The following MAN1B1 variants were observed in gnomAD, a reference collection of about 807,000 sequenced individuals.
The protein encoded by MAN1B1 is endoplasmic reticulum mannosyl-oligosaccharide 1,2-alpha-mannosidase.
MAN1B1 carries 66 observed loss-of-function variants against 75.5 expected under a neutral mutation model. That is an observed-to-expected ratio of 0.87 (90% CI 0.72 to 1.07). MAN1B1 has a LOEUF of 1.07. MAN1B1 is among the 50% of genes least tolerant of loss of function. The pLI, the probability that MAN1B1 is intolerant of heterozygous loss-of-function variation, is 0.00. For synonymous variants in MAN1B1, 453 were observed against 382.8 expected (o/e 1.18, Z -2.14); for missense variants, 973 against 912.5 (o/e 1.07, Z -0.85).
intron 8 of MAN1B1, 133 bp from the exon 9 acceptor site, chr9:137,105,991 TG>T (rs1209712912): frequency 1.3e-6 from 1 of 757,450 alleles, no homozygotes; most frequent in African/African-American, 1.7e-5. Flanking sequence ...AGCTGTGGGC[TG>T]GGCACAGAGC....
At position 137,107,670 on chromosome 9, in the gene MAN1B1, C is replaced by A; in HGVS notation, c.1896+8C>A. ...TTCAGCCGATTCACACGGGTGAGCA[C>A]CTGTCCTCGCCCCGCGTGGTCACGG... On this transcript the variant is annotated splice_region_variant and intron_variant, in intron 12 of 12. Coordinates refer to ENST00000371589, the MANE Select transcript of MAN1B1 (RefSeq NM_016219.5). 6.2e-7 allele frequency: 1 copy of A among 1,609,616 alleles called. No individual in the cohort carries two copies.
intron 9 of MAN1B1, 43 bp from the exon 10 acceptor site, chr9:137,106,646 A>T: frequency 2.5e-6 from 4 of 1,612,442 alleles, no homozygotes; most frequent in Non-Finnish European, 3.4e-6. Context: ...ACGGGAGCCG[A>T]TGCACCGTCC....
chr9:137,092,409 T>C (rs899146527), intron 3 of MAN1B1, among the ~76,000 whole-genome samples: 6 of 152,094 alleles, frequency 3.9e-5, no homozygotes, highest in African/African-American at 1.4e-4. Context: ...AGGGGCTGGA[T>C]TGGTATTTGG....
intron 6 of MAN1B1, among the ~76,000 whole-genome samples, chr9:137,100,582 G>T (rs867356118): frequency 3.9e-5 from 6 of 152,136 alleles, no homozygotes; most frequent in African/African-American, 1.4e-4. Context: ...GAGTGCAATG[G>T]CGCAATCTCG....
chr9:137,107,960 T>C (rs1413870987), intron 12 of MAN1B1: 1 of 631,800 alleles, frequency 1.6e-6, no homozygotes, highest in Non-Finnish European at 2.9e-6. Context: ...CCCCCCAGTT[T>C]AGGAGGCACA....
intron 8 of MAN1B1, 68 bp from the exon 9 acceptor site, chr9:137,106,057 G>A (rs954887666): frequency 1.6e-6 from 2 of 1,271,992 alleles, no homozygotes. Context: ...AGCTCACAGA[G>A]CCCCTCTACA....
rs201112296 is a variant in MAN1B1, at chr9:137,108,404, A to G, written c.1913A>G (p.Tyr638Cys). ...SRFTRVPSGG[Y>C]SSINNVQDPQ... is the part of the protein sequence containing the mutation. ...GCTGCACAGGTCCCCTCGGGTGGCT[A>G]TTCTTCCATCAACAATGTCCAGGAT... The change falls in exon 13 of 13, where the codon TAT becomes TGT. Residue 638 changes from tyrosine (Y) to cysteine (C), a missense_variant. Physicochemically the swap from Tyr to Cys is radical, Grantham distance 194. Coordinates refer to ENST00000371589, the MANE Select transcript of MAN1B1 (RefSeq NM_016219.5). 3.7e-5 allele frequency: 60 copies of G among 1,613,674 alleles called. No individual in the cohort carries two copies. The highest frequency in any genetic ancestry group is 8.0e-5 in the African/African-American group (6 of 75,018).
chr9:137,089,544 G>A (rs1017272784), intron 3 of MAN1B1, among the ~76,000 whole-genome samples: 2 of 152,226 alleles, frequency 1.3e-5, no homozygotes, highest in Admixed American at 1.3e-4. Flanking sequence ...AATTCCCAGG[G>A]CTGGGAGAGG....
At position 137,107,238 on chromosome 9, in the gene MAN1B1, C is replaced by T; in HGVS notation, c.1567-12C>T. On this transcript the variant is annotated splice_polypyrimidine_tract_variant and intron_variant, in intron 10 of 12. Coordinates refer to ENST00000371589, the MANE Select transcript of MAN1B1 (RefSeq NM_016219.5). ...CCTGGGATCTGGGGCTGAAGAGACC[C>T]TCTGATTCCAGGACCACCTGGTGTG... 6.2e-7 allele frequency: 1 copy of T among 1,612,364 alleles called. No individual in the cohort carries two copies.
At chr9:137,094,577 T>TA (rs376957524) in intron 3 of MAN1B1, 2,098 of 157,294 alleles carry the variant, frequency 0.013, 11 homozygotes, top group East Asian at 0.056. Flanking sequence ...CCATCTCTAT[T>TA]AAAAAAAAAA....
At chr9:137,107,826 C>A in intron 12 of MAN1B1, 164 bp downstream of exon 12, 1 of 882,430 alleles carries the variant, frequency 1.1e-6, no homozygotes, top group Non-Finnish European at 1.8e-6. Flanking sequence ...CTTGGGGGCC[C>A]TGGCATCCCC....
At position 137,107,675 on chromosome 9, in the gene MAN1B1, C is replaced by G. The variant is rs1831164359; in HGVS notation, c.1896+13C>G. ...CCGATTCACACGGGTGAGCACCTGT[C>G]CTCGCCCCGCGTGGTCACGGCCACC... is the stretch of plus-strand genomic sequence containing the variant. On this transcript the variant is annotated intron_variant, in intron 12 of 12. Transcript: ENST00000371589. The G allele has an allele frequency of 6.2e-7, 1 of 1,609,594 alleles. No individual in the cohort carries two copies. The highest frequency in any genetic ancestry group is 1.3e-5 in the African/African-American group (1 of 74,942).
At position 137,096,434 on chromosome 9, in the gene MAN1B1, G is replaced by T. The variant is rs115405628; in HGVS notation, c.620+43G>T. On this transcript the variant is annotated intron_variant, in intron 4 of 12. Coordinates refer to ENST00000371589, the MANE Select transcript of MAN1B1 (RefSeq NM_016219.5). ...GGCTGCACGCCGCCGCTCAGGGCTT[G>T]ATGTTCCGAAAAACAAGATTGCGGA... The T allele has an allele frequency of 2.9e-3, 4,720 of 1,604,248 alleles. 45 individuals carry two copies. Among genetic ancestry groups the T allele is most frequent in the African/African-American group, 0.025 (1,861 of 74,744 alleles).
rs1831097336 is a variant in MAN1B1, at chr9:137,106,253, G to A, written c.1383G>A (p.Arg461=). The change falls in exon 9 of 13, where the codon AGG becomes AGA. Residue 461 remains arginine (R), a synonymous_variant. Transcript: ENST00000371589. The part of the protein sequence containing the change: ...THLGVFTLGA[R]ADSYYEYLLK... Reference sequence around the variant, plus strand: ...TGGGCGTATTCACGCTGGGCGCCAGGGCCGACAGCTACTATGAGTACCTGC... The same window carrying A: ...TGGGCGTATTCACGCTGGGCGCCAGAGCCGACAGCTACTATGAGTACCTGC... The A allele has an allele frequency of 5.7e-6, 9 of 1,581,974 alleles. No homozygotes were observed. Among genetic ancestry groups the A allele is most frequent in the African/African-American group, 2.7e-5 (2 of 74,624 alleles).
chr9:137,088,181 A>G lies in MAN1B1; in HGVS notation c.326A>G (p.Lys109Arg), dbSNP rs538412446. 3.7e-6 allele frequency: 6 copies of G among 1,614,136 alleles called. No homozygotes were observed. In the South Asian group the frequency reaches 6.6e-5, roughly 18 times the overall value. Residue 109 changes from lysine to arginine, a missense_variant and splice_region_variant, in exon 2 of 13, where the codon AAA (lysine) becomes AGA (arginine). By Grantham distance (26) the Lys-to-Arg change is conservative (BLOSUM62 2). Transcript: ENST00000371589. ...TACATCAACTTGGCTGACCATTGGAAAGGTATCAGAAACACGTGTACTTGA... is the reference window on the plus strand; with the variant it reads ...TACATCAACTTGGCTGACCATTGGAGAGGTATCAGAAACACGTGTACTTGA... ...LFYINLADHWKALAFRLEEEQ... is the reference protein window; with the variant it reads ...LFYINLADHWRALAFRLEEEQ...
In MAN1B1 at chr9:137,096,265, C is replaced by A. The variant is rs758331600; in HGVS notation, c.494C>A (p.Pro165Gln). 1 of 1,614,112 alleles carries A rather than the reference C, an allele frequency of 6.2e-7. No individual in the cohort carries two copies. The highest frequency in any genetic ancestry group is 2.2e-5 in the East Asian group (1 of 44,884). Residue 165 changes from proline to glutamine, a missense_variant, in exon 4 of 13, where the codon CCA becomes CAA. Pro to Gln is a moderately conservative substitution (Grantham distance 76). Transcript: ENST00000371589. Reference protein sequence around the residue: ...QKTQRHIQRGPPHLQIRPPSQ... With the variant: ...QKTQRHIQRGQPHLQIRPPSQ... The stretch of plus-strand genomic sequence containing the variant: ...ACACAAAGACACATCCAGCGGGGAC[C>A]ACCTCACCTGCAGATTAGACCCCCA...
chr9:137,088,386 C>G, intron 2 of MAN1B1: 1 of 1,582,640 alleles, frequency 6.3e-7, no homozygotes, highest in Non-Finnish European at 8.5e-7. Context: ...TGACTACTTT[C>G]TAGGTCTCTG....
chr9:137,106,511 C>T (rs1831112790), intron 9 of MAN1B1, 178 bp from the exon 10 acceptor site: 1 of 1,089,540 alleles, frequency 9.2e-7, no homozygotes, highest in Non-Finnish European at 1.3e-6. Context: ...ACCGTGGCCT[C>T]TGGGGGGGTG....
Position 137,087,075 on chromosome 9 carries a change from G to T in MAN1B1, c.76G>T (p.Gly26Trp). 6.2e-7 allele frequency: 1 copy of T among 1,601,656 alleles called. No homozygotes were observed. The highest frequency in any genetic ancestry group is 8.5e-7 in the Non-Finnish European group (1 of 1,175,932). ...QSDFLTPPVG[G>W]APWAVATTVV... is the part of the protein sequence containing the mutation. ...GGACTTCCTGACGCCGCCAGTGGGC[G>T]GGGCCCCTTGGGCCGTCGCCACCAC... The change falls in exon 1 of 13, where the codon GGG becomes TGG. Residue 26 changes from glycine to tryptophan, a missense_variant. By Grantham distance (184) the Gly-to-Trp change is radical (BLOSUM62 -2). Transcript: ENST00000371589.
Sources: allele counts gnomAD v4.1 joint callset (sites outside exome capture counted in the v4.1 genomes callset), GRCh38; gene constraint gnomAD v4.1.1; transcripts MANE v1.5; gene names NCBI Gene and HGNC (gene_info 2026-07-23, HGNC 2026-07-21).